ORC5: variants seen among roughly 807,000 people sequenced by gnomAD.
The protein encoded by ORC5 is protein phosphatase 1, regulatory subunit 117.
In ORC5, 39 loss-of-function variants were observed where a neutral mutation model predicts 58.8. The observed-to-expected ratio is 0.66, with a 90% CI of 0.51 to 0.87. The LOEUF (loss-of-function observed/expected upper bound fraction) is 0.87, where lower values mean the gene tolerates loss of function less well. ORC5 is among the 40% of genes least tolerant of loss of function. The pLI is 0.00. For missense variants in ORC5, 493 were observed against 506.3 expected, an observed-to-expected ratio of 0.97 and a Z score of 0.25; for synonymous variants, 218 against 177.6, an observed-to-expected ratio of 1.23 and a Z score of -1.81.
At chr7:104,179,632 A>T (rs997361847) in intron 8 of ORC5, among the ~76,000 whole-genome samples, 2 of 151,762 alleles carry the variant, frequency 1.3e-5, no homozygotes, top group African/African-American at 4.8e-5. Context: ...GCCATCTTCT[A>T]AACTGCAGTT....
At chr7:104,200,132 T>C (rs776085151) in intron 3 of ORC5, among the ~76,000 whole-genome samples, 1 of 152,224 alleles carries the variant, frequency 6.6e-6, no homozygotes, top group Non-Finnish European at 1.5e-5. Context: ...AACTATCCAG[T>C]CTTGGGTAGT....
At chr7:104,145,709 C>T (rs1798743250) in intron 12 of ORC5, among the ~76,000 whole-genome samples, 1 of 152,072 alleles carries the variant, frequency 6.6e-6, no homozygotes, top group African/African-American at 2.4e-5. Context: ...CAAAAGAGGA[C>T]TCTGAAAGGT....
At chr7:104,161,856 C>T (rs975849014) in intron 11 of ORC5, among the ~76,000 whole-genome samples, 1 of 152,134 alleles carries the variant, frequency 6.6e-6, no homozygotes, top group Admixed American at 6.5e-5. Context: ...ATAACCAAAC[C>T]AGATTCCTAA....
chr7:104,189,356 C>T (rs1022034806), intron 5 of ORC5, among the ~76,000 whole-genome samples: 7 of 152,026 alleles, frequency 4.6e-5, no homozygotes, highest in African/African-American at 1.4e-4. Flanking sequence ...CAACAGCTTT[C>T]GTGAGAACTC....
At chr7:104,206,507 A>C (rs559664968) in intron 1 of ORC5, among the ~76,000 whole-genome samples, 1 of 152,362 alleles carries the variant, frequency 6.6e-6, no homozygotes, top group Admixed American at 6.5e-5. Context: ...AATGCAGAGA[A>C]CATAATCAAG....
At chr7:104,192,089 T>C (rs1799689134) in intron 5 of ORC5, among the ~76,000 whole-genome samples, 1 of 152,106 alleles carries the variant, frequency 6.6e-6, no homozygotes, top group Admixed American at 6.6e-5. Flanking sequence ...TTTAAGACTG[T>C]GGTACAAGGA....
Position 104,184,150 on chromosome 7 carries a change from A to G in ORC5, c.706T>C (p.Tyr236His), listed in dbSNP as rs771916034. Reference sequence around the variant, plus strand: ...TCTCCTTTAACCACGGGTTCACAATATTTAGGAAAATTAAGTACTGCCTGT... The same window carrying G: ...TCTCCTTTAACCACGGGTTCACAATGTTTAGGAAAATTAAGTACTGCCTGT... ...RHLAVLNFPK[Y>H]CEPVVKGEAS... Residue 236 changes from tyrosine to histidine, a missense_variant, in exon 7 of 14, where the codon TAT (tyrosine) becomes CAT (histidine). Physicochemically the swap from Tyr to His is moderately conservative, Grantham distance 83. This residue lies in a region of ORC5 where 412 missense variants were observed against 403.7 expected (regional missense o/e 1.02). Transcript: ENST00000297431. 1 of 1,576,672 alleles carries G rather than the reference A, an allele frequency of 6.3e-7. No individual in the cohort carries two copies. The highest frequency in any genetic ancestry group is 8.7e-7 in the Non-Finnish European group (1 of 1,154,996).
At chr7:104,175,834 CAA>C (rs1799311457) in intron 8 of ORC5, among the ~76,000 whole-genome samples, 2 of 152,184 alleles carry the variant, frequency 1.3e-5, no homozygotes, top group South Asian at 2.1e-4. Flanking sequence ...GACCAATAAA[CAA>C]AAGACAGTTT....
intron 8 of ORC5, among the ~76,000 whole-genome samples, chr7:104,182,864 G>A (rs1016946950): frequency 6.6e-6 from 1 of 152,126 alleles, no homozygotes; most frequent in Non-Finnish European, 1.5e-5. Context: ...ACCGGGTGTG[G>A]TGGCTCACAC....
intron 8 of ORC5, among the ~76,000 whole-genome samples, chr7:104,171,498 G>A (rs1428855257): frequency 6.6e-6 from 1 of 152,072 alleles, no homozygotes. Flanking sequence ...ATTAGCTTCT[G>A]ATTTTGTCAT....
chr7:104,192,628 T>C (rs1799700727), intron 5 of ORC5, among the ~76,000 whole-genome samples: 1 of 152,010 alleles, frequency 6.6e-6, no homozygotes. Context: ...ATGTCTATAA[T>C]TCTATCAAAA....
intron 13 of ORC5, among the ~76,000 whole-genome samples, chr7:104,134,275 C>T (rs752939070): frequency 2.6e-5 from 4 of 151,680 alleles, no homozygotes; most frequent in Non-Finnish European, 4.4e-5. Context: ...ATTAGCCAGG[C>T]ATGGTGGTGT....
Position 104,149,747 on chromosome 7 carries a change from A to C in ORC5, c.1149+11325T>G, listed in dbSNP as rs532306854. Among the ~76,000 whole-genome samples, 19 of 152,312 alleles carry C rather than the reference A, an allele frequency of 1.2e-4. No homozygotes were observed. The East Asian group carries it at 3.7e-3, about 29-fold the overall frequency. On this transcript the variant is annotated intron_variant, in intron 12 of 13. Transcript: ENST00000297431. ...GCTTTCATACATCAGCAGCATTCTG[A>C]CACTGCTTAACATATTTTATTTCAC...
intron 12 of ORC5, among the ~76,000 whole-genome samples, chr7:104,157,290 G>A (rs745820868): frequency 6.6e-6 from 1 of 151,876 alleles, no homozygotes; most frequent in African/African-American, 2.4e-5. Context: ...CAACTCCTTA[G>A]AACTAGTTGC....
chr7:104,201,937 A>C (rs1799955063), intron 2 of ORC5, among the ~76,000 whole-genome samples: 1 of 151,938 alleles, frequency 6.6e-6, no homozygotes, highest in South Asian at 2.1e-4. Flanking sequence ...AAAAGTAAAA[A>C]AAATTAGACA....
chr7:104,165,255 A>G lies in ORC5; in HGVS notation c.1018T>C (p.Phe340Leu). Residue 340 changes from phenylalanine to leucine, a missense_variant, in exon 11 of 14, where the codon TTT becomes CTT. Physicochemically the swap from Phe to Leu is conservative, Grantham distance 22. Transcript: ENST00000297431. ...AATACCTTTTCGTGTTTTTTTAGAAAGTTGGTTTTCTTGATTTTTCCATGA... is the reference window on the plus strand; with the variant it reads ...AATACCTTTTCGTGTTTTTTTAGAAGGTTGGTTTTCTTGATTTTTCCATGA... The part of the protein sequence containing the change: ...KHHGKIKKTN[F>L]LKKHEKTSNH... 1 of 1,525,438 alleles carries G rather than the reference A, an allele frequency of 6.6e-7. No individual in the cohort carries two copies. Among genetic ancestry groups the G allele is most frequent in the African/African-American group, 1.4e-5 (1 of 72,674 alleles). The allele number at this position is 1,525,438 out of a possible 1,614,324, so 94.5% of individuals were successfully genotyped here.
At chr7:104,198,588 C>G (rs952109800) in intron 3 of ORC5, among the ~76,000 whole-genome samples, 1 of 152,202 alleles carries the variant, frequency 6.6e-6, no homozygotes, top group Non-Finnish European at 1.5e-5. Context: ...CAGTCATATG[C>G]ATTCACAAAG....
chr7:104,190,573 C>T (rs1188061119), intron 5 of ORC5, among the ~76,000 whole-genome samples: 1 of 151,960 alleles, frequency 6.6e-6, no homozygotes, highest in East Asian at 1.9e-4. Context: ...TTTAGAAACA[C>T]AGTAAAATTT....
intron 3 of ORC5, among the ~76,000 whole-genome samples, chr7:104,198,905 T>A (rs780924604): frequency 2.6e-4 from 39 of 152,172 alleles, no homozygotes; most frequent in Non-Finnish European, 4.6e-4. Context: ...GTGTCCTGCA[T>A]CCCCACTCAT....
Sources: gnomAD v4.1 joint callset for allele counts (sites outside exome capture counted in the v4.1 genomes callset) on GRCh38, gnomAD v4.1.1 for gene constraint, gnomAD v4.1.1 regional missense constraint, MANE v1.5 for transcripts, NCBI Gene and HGNC (gene_info 2026-07-23, HGNC 2026-07-21) for gene names.